ELAVL2: variants seen among roughly 807,000 people sequenced by gnomAD.
The protein encoded by ELAVL2 is ELAV like RNA binding protein 2, also known as ELAV-like protein 2.
In ELAVL2, 4 loss-of-function variants were observed where a neutral mutation model predicts 34.6. The observed-to-expected ratio is 0.12, with a 90% CI of 0.06 to 0.26. ELAVL2 has a LOEUF of 0.26. Among genes scored for constraint, ELAVL2 ranks in the 10% least tolerant of loss-of-function variants. ELAVL2 has a pLI of 1.00. For synonymous variants in ELAVL2, 193 were observed against 154.8 expected (o/e 1.25, Z -1.83); for missense variants, 432 against 442.8 (o/e 0.98, Z 0.22).
intron 1 of ELAVL2, among the ~76,000 whole-genome samples, chr9:23,762,966 C>T (rs182270341): frequency 6.6e-6 from 1 of 152,132 alleles, no homozygotes; most frequent in Admixed American, 6.6e-5. Context: ...TCCTGTCAAC[C>T]TTGGCAGCTA....
In ELAVL2 at chr9:23,768,803, A is replaced by G. The variant is rs539717690; in HGVS notation, c.-15-6554T>C. On this transcript the variant is annotated intron_variant, in intron 1 of 6. Transcript: ENST00000397312. Reference sequence around the variant, plus strand: ...TTGGGTCCAACTTCAGGAAAATGGCAAAATCAAAGGTAAATGCAGGAAAAT... The same window carrying G: ...TTGGGTCCAACTTCAGGAAAATGGCGAAATCAAAGGTAAATGCAGGAAAAT... Among the ~76,000 whole-genome samples the G allele has an allele frequency of 8.7e-4, 133 of 152,316 alleles. No individual in the cohort carries two copies. In the Middle Eastern group the frequency reaches 0.01, roughly 12 times the overall value.
At chr9:23,825,004 A>G (rs1046416358) in intron 1 of ELAVL2, among the ~76,000 whole-genome samples, 2 of 152,166 alleles carry the variant, frequency 1.3e-5, no homozygotes, top group Admixed American at 6.5e-5. Context: ...CGCCCAGCAC[A>G]GCGAGGCTCC....
intron 2 of ELAVL2, among the ~76,000 whole-genome samples, chr9:23,745,773 T>A (rs16907689): frequency 0.01 from 1,580 of 152,252 alleles, 32 homozygotes; most frequent in African/African-American, 0.037. Flanking sequence ...TAAATGTAGG[T>A]CATTCAGAGG....
chr9:23,754,180 G>C (rs1434530966), intron 2 of ELAVL2, among the ~76,000 whole-genome samples: 1 of 152,006 alleles, frequency 6.6e-6, no homozygotes, highest in African/African-American at 2.4e-5. Flanking sequence ...AAAATACCAA[G>C]TAACACAAAT....
chr9:23,795,224 T>C (rs2060774197), intron 1 of ELAVL2, among the ~76,000 whole-genome samples: 1 of 152,140 alleles, frequency 6.6e-6, no homozygotes, highest in Non-Finnish European at 1.5e-5. Flanking sequence ...CCTAAGAACC[T>C]AAGATCCTGC....
intron 1 of ELAVL2, among the ~76,000 whole-genome samples, chr9:23,786,093 T>C (rs991067747): frequency 3.3e-5 from 5 of 152,138 alleles, no homozygotes; most frequent in African/African-American, 1.2e-4. Context: ...TTTGAAACAT[T>C]TGTGATAAAT....
At chr9:23,730,471 G>A (rs897525437) in intron 3 of ELAVL2, among the ~76,000 whole-genome samples, 3 of 151,968 alleles carry the variant, frequency 2.0e-5, no homozygotes, top group East Asian at 1.9e-4. Flanking sequence ...AGCTAAGAAT[G>A]GTTTTTACAT....
intron 1 of ELAVL2, among the ~76,000 whole-genome samples, chr9:23,818,949 T>TA (rs1242103891): frequency 6.6e-6 from 1 of 152,168 alleles, no homozygotes; most frequent in African/African-American, 2.4e-5. Flanking sequence ...ACAGGTTTTT[T>TA]AAAAAAATGT....
the ELAVL2 span, among the ~76,000 whole-genome samples, chr9:23,836,500 A>G: frequency 6.6e-6 from 1 of 152,192 alleles, no homozygotes; most frequent in Non-Finnish European, 1.5e-5. Context: ...GAATGTGAAG[A>G]TACATGTGTC....
intron 1 of ELAVL2, among the ~76,000 whole-genome samples, chr9:23,771,854 G>A (rs1313166800): frequency 6.6e-6 from 1 of 152,118 alleles, no homozygotes; most frequent in Non-Finnish European, 1.5e-5. Context: ...AATAGTAAAG[G>A]TTAAGCCATG....
In ELAVL2 at chr9:23,691,945, C is replaced by T. The variant is rs2033301836; in HGVS notation, c.*612G>A. The T allele has an allele frequency of 6.6e-6, 1 of 152,440 alleles. No homozygotes were observed. The highest frequency in any genetic ancestry group is 6.6e-5 in the Admixed American group (1 of 15,246). 9.4% of individuals were successfully genotyped at this position (152,440 alleles called of 1,614,324 possible). A position where few individuals can be genotyped will look rare whatever the true frequency, so the allele number is the denominator to read the frequency against. ...ATCAAAGAGGCTCTTATCTCTTTGG[C>T]AAGGTACTGCTTTACGAAAAGTTCT... On this transcript the variant is annotated 3_prime_UTR_variant, in exon 7 of 7. Coordinates refer to ENST00000397312, the MANE Select transcript of ELAVL2 (RefSeq NM_004432.5).
chr9:23,755,875 CTCT>C (rs2053434305), intron 2 of ELAVL2, among the ~76,000 whole-genome samples: 2 of 152,166 alleles, frequency 1.3e-5, no homozygotes, highest in South Asian at 4.1e-4. Flanking sequence ...AATTCTTGAT[CTCT>C]TGATACTATG....
At chr9:23,749,404 T>C (rs574847170) in intron 2 of ELAVL2, among the ~76,000 whole-genome samples, 9 of 152,292 alleles carry the variant, frequency 5.9e-5, no homozygotes, top group Admixed American at 4.6e-4. Flanking sequence ...TTTTGTTCTG[T>C]AAGCCAGTTA....
rs117213313 is a variant in ELAVL2, at chr9:23,701,042, G to T, written c.713+337C>A. On this transcript the variant is annotated intron_variant, in intron 5 of 6. Coordinates refer to ENST00000397312, the MANE Select transcript of ELAVL2 (RefSeq NM_004432.5). ...ACTGTAGGAGCTTAGCAGCATCCCCGACCTCTAGCATTACATGCTAGTAGC... is the reference window on the plus strand; with the variant it reads ...ACTGTAGGAGCTTAGCAGCATCCCCTACCTCTAGCATTACATGCTAGTAGC... Among the ~76,000 whole-genome samples, 685 of 152,182 alleles carry T rather than the reference G, an allele frequency of 4.5e-3. 3 individuals are homozygous for T. Among genetic ancestry groups the T allele is most frequent in the Non-Finnish European group, 7.7e-3 (526 of 68,008 alleles).
chr9:23,803,269 G>T lies in ELAVL2; in HGVS notation c.-16+22537C>A, dbSNP rs186602570. Among the ~76,000 whole-genome samples the T allele has an allele frequency of 3.3e-5, 5 of 152,248 alleles. No homozygotes were observed. In the South Asian group the frequency reaches 6.2e-4, roughly 19 times the overall value. Reference sequence around the variant, plus strand: ...AAATTTTTACATAAACATTGTCGGGGAAACATGAATATAACTGTATATTCT... The same window carrying T: ...AAATTTTTACATAAACATTGTCGGGTAAACATGAATATAACTGTATATTCT... On this transcript the variant is annotated intron_variant, in intron 1 of 6. Coordinates refer to ENST00000397312, the MANE Select transcript of ELAVL2 (RefSeq NM_004432.5).
chr9:23,784,311 T>G (rs1179533136), intron 1 of ELAVL2, among the ~76,000 whole-genome samples: 1 of 152,120 alleles, frequency 6.6e-6, no homozygotes, highest in Non-Finnish European at 1.5e-5. Context: ...AAGCTAATGT[T>G]TAGAATTGCA....
chr9:23,740,054 A>T (rs867538244), intron 2 of ELAVL2, among the ~76,000 whole-genome samples: 2 of 152,044 alleles, frequency 1.3e-5, no homozygotes, highest in African/African-American at 2.4e-5. Context: ...TTAGAGATAA[A>T]TTTTCTTCTT....
chr9:23,783,485 G>A lies in ELAVL2; in HGVS notation c.-15-21236C>T, dbSNP rs963496269. 4.1e-6 allele frequency: 4 copies of A among 985,398 alleles called. No homozygotes were observed. The East Asian group carries it at 3.4e-4, about 84-fold the overall frequency. The allele number at this position is 985,398 out of a possible 1,614,324, so 61.0% of individuals were successfully genotyped here. On this transcript the variant is annotated intron_variant, in intron 1 of 6. Coordinates refer to ENST00000397312, the MANE Select transcript of ELAVL2 (RefSeq NM_004432.5). The stretch of plus-strand genomic sequence containing the variant: ...CATGCACTAACCTGAAAACAACGAG[G>A]TTCATTATTGAATAAAGGCATCAGG...
chr9:23,784,290 G>A (rs558399367), intron 1 of ELAVL2, among the ~76,000 whole-genome samples: 2 of 152,246 alleles, frequency 1.3e-5, no homozygotes, highest in South Asian at 4.1e-4. Flanking sequence ...TATTAAACAA[G>A]CCAAAGAATA....
Sources: gnomAD v4.1 joint callset for allele counts (sites outside exome capture counted in the v4.1 genomes callset) on GRCh38, gnomAD v4.1.1 for gene constraint, MANE v1.5 for transcripts, NCBI Gene and HGNC (gene_info 2026-07-23, HGNC 2026-07-21) for gene names.